The following MYO1H variants were observed in gnomAD, a reference collection of about 807,000 sequenced individuals.
MYO1H encodes the protein myosin IH, also known as unconventional myosin-Ih.
A neutral mutation model predicts 149.3 loss-of-function variants in MYO1H; 118 were observed. The observed-to-expected ratio is 0.79, with a 90% CI of 0.68 to 0.92. The LOEUF (loss-of-function observed/expected upper bound fraction) is 0.92. Ranked by LOEUF, MYO1H falls within the 40% of genes least tolerant of loss-of-function variation. The probability of loss-of-function intolerance (pLI) is 0.00; values close to 1 mark genes in which losing one functional copy is unlikely to be tolerated. For missense variants in MYO1H, 1,212 were observed against 1,280.7 expected (o/e 0.95, Z 0.82); for synonymous variants, 447 against 465.2 (o/e 0.96, Z 0.50).
chr12:109,323,732 G>A, the MYO1H span, among the ~76,000 whole-genome samples: 29 of 152,232 alleles, frequency 1.9e-4, no homozygotes, highest in Non-Finnish European at 3.4e-4. Flanking sequence ...ATGGAAAGCA[G>A]TAACGAGTCG....
chr12:109,419,803 C>T (rs893343930), intron 15 of MYO1H, among the ~76,000 whole-genome samples: 5 of 151,760 alleles, frequency 3.3e-5, no homozygotes, highest in African/African-American at 1.2e-4. Context: ...TCGAGCTATC[C>T]TCCCACCTCA....
chr12:109,396,148 C>T (rs575226802), intron 3 of MYO1H, among the ~76,000 whole-genome samples: 3 of 152,166 alleles, frequency 2.0e-5, no homozygotes, highest in African/African-American at 7.2e-5. Flanking sequence ...GTCTCGAACT[C>T]CTGACCTCAA....
At chr12:109,423,445 A>C (rs1183537243) in intron 16 of MYO1H, among the ~76,000 whole-genome samples, 1 of 152,238 alleles carries the variant, frequency 6.6e-6, no homozygotes, top group Non-Finnish European at 1.5e-5. Flanking sequence ...TACAGGCGTG[A>C]GCGACCACGC....
rs749216166 is a variant in MYO1H, at chr12:109,396,482, C to T, written c.389C>T (p.Ala130Val). 8.7e-6 allele frequency: 14 copies of T among 1,613,812 alleles called. No individual in the cohort carries two copies. In the Admixed American group the frequency reaches 1.8e-4, roughly 21 times the overall value. ...GAGAGTGGGGCAGGGAAAACAGAGG[C>T]CTCCAAGAAAATTCTCGAGTATTTT... The change falls in exon 4 of 32, where the codon GCC (alanine) becomes GTC (valine). Residue 130 changes from alanine to valine, a missense_variant. Ala to Val is a moderately conservative substitution (Grantham distance 64, BLOSUM62 0). Coordinates refer to ENST00000310903, the Ensembl canonical transcript of MYO1H.
chr12:109,373,574 C>A (rs1232512974), intron 1 of MYO1H, among the ~76,000 whole-genome samples: 1 of 151,960 alleles, frequency 6.6e-6, no homozygotes, highest in African/African-American at 2.4e-5. Flanking sequence ...TGGAATAAAT[C>A]CCATTTGGTC....
rs892695154 is a variant in MYO1H, at chr12:109,382,345, A to G, written c.13-6338A>G. On this transcript the variant is annotated intron_variant, in intron 1 of 31. Coordinates refer to ENST00000310903, the Ensembl canonical transcript of MYO1H. ...CAATTAACAAAACCTAGAATGTGAG[A>G]AATTCTACAAGACAGATTGTCCAAT... Among the ~76,000 whole-genome samples, 3 of 152,200 alleles carry G rather than the reference A, an allele frequency of 2.0e-5. No homozygotes were observed. In the East Asian group the frequency reaches 5.8e-4, roughly 29 times the overall value.
At chr12:109,335,094 C>T in the MYO1H span, among the ~76,000 whole-genome samples, 6 of 152,150 alleles carry the variant, frequency 3.9e-5, no homozygotes, top group Admixed American at 1.3e-4. Context: ...AGCGATACTT[C>T]GCTCCTTTTC....
At chr12:109,337,669 T>C in the MYO1H span, among the ~76,000 whole-genome samples, 2 of 152,184 alleles carry the variant, frequency 1.3e-5, no homozygotes, top group Admixed American at 1.3e-4. Context: ...ACAGGGTCCC[T>C]CCCATCACAC....
exon 17 of MYO1H, chr12:109,424,821 C>A: frequency 6.2e-7 from 1 of 1,613,592 alleles, no homozygotes; most frequent in Non-Finnish European, 8.5e-7. Context: ...CGGAGGAGGC[C>A]CCCAACAGTG....
chr12:109,402,797 A>G (rs959614279), intron 6 of MYO1H, among the ~76,000 whole-genome samples: 1 of 152,188 alleles, frequency 6.6e-6, no homozygotes, highest in South Asian at 2.1e-4. Context: ...TTGTATTCCC[A>G]TAGCATGACC....
At chr12:109,432,225 C>T (rs1199212628) in intron 19 of MYO1H, among the ~76,000 whole-genome samples, 2 of 151,940 alleles carry the variant, frequency 1.3e-5, no homozygotes, top group African/African-American at 2.4e-5. Context: ...AGGATGGTCT[C>T]GATCTCTTGA....
rs568143539 is a variant in MYO1H, at chr12:109,399,867, A to G, written c.571-1226A>G. Among the ~76,000 whole-genome samples the G allele has an allele frequency of 7.2e-5, 11 of 152,172 alleles. No individual in the cohort carries two copies. In the South Asian group the frequency reaches 1.5e-3, roughly 20 times the overall value. On this transcript the variant is annotated intron_variant, in intron 5 of 31. Transcript: ENST00000310903. ...GCATTTGAGGTTATAGTGAGCCATGATCAGGCCACAGCATTCCAGCCTGGG... is the reference window on the plus strand; with the variant it reads ...GCATTTGAGGTTATAGTGAGCCATGGTCAGGCCACAGCATTCCAGCCTGGG...
chr12:109,442,797 T>G lies in MYO1H; in HGVS notation c.2688+525T>G, dbSNP rs60151725. 9.5e-5 allele frequency among the ~76,000 whole-genome samples: 10 copies of G among 105,144 alleles called. 1 individual carries two copies. The highest frequency in any genetic ancestry group is 2.0e-4 in the African/African-American group (5 of 25,270). 69.0% of individuals were successfully genotyped at this position (105,144 alleles called of 152,430 possible). A position where few individuals can be genotyped will look rare whatever the true frequency, so the allele number is the denominator to read the frequency against. On this transcript the variant is annotated intron_variant, in intron 27 of 31. Coordinates refer to ENST00000310903, the Ensembl canonical transcript of MYO1H. ...GATCGTGTGTGCCAGTGTCTGCTCT[T>G]TTTTTTTTTTTTTTTTTTTTTGTTC...
chr12:109,329,575 G>GA, the MYO1H span, among the ~76,000 whole-genome samples: 1 of 152,174 alleles, frequency 6.6e-6, no homozygotes, highest in Admixed American at 6.5e-5. Flanking sequence ...TCTTATGCTA[G>GA]AAAATGATTC....
rs1313810852 is a variant in MYO1H at position 109,443,661 on chromosome 12, G to A, written c.2824+12G>A. ...CTCAGCTCTCAAAGGTAAGAAGTGGGCAATCTTTAAAACAATGCACTGAGT... is the reference window on the plus strand; with the variant it reads ...CTCAGCTCTCAAAGGTAAGAAGTGGACAATCTTTAAAACAATGCACTGAGT... On this transcript the variant is annotated intron_variant, in intron 28 of 31. Transcript: ENST00000310903. 3 of 1,613,278 alleles carry A rather than the reference G, an allele frequency of 1.9e-6. No homozygotes were observed. The highest frequency in any genetic ancestry group is 2.2e-5 in the East Asian group (1 of 44,838).
At chr12:109,348,050 T>A in intron 1 of MYO1H, 78 bp downstream of exon 1, 3 of 399,050 alleles carry the variant, frequency 7.5e-6, no homozygotes, top group Non-Finnish European at 1.3e-5. Context: ...ATGGCTATAA[T>A]GCTGGGCCTC....
At chr12:109,437,856 C>T (rs1043047229) in intron 22 of MYO1H, among the ~76,000 whole-genome samples, 14 of 151,934 alleles carry the variant, frequency 9.2e-5, no homozygotes, top group African/African-American at 3.1e-4. Context: ...GGGAGGCTGA[C>T]GTGGGCAGAT....
At chr12:109,322,893 G>A in the MYO1H span, among the ~76,000 whole-genome samples, 2 of 151,060 alleles carry the variant, frequency 1.3e-5, no homozygotes, top group South Asian at 4.2e-4. Context: ...CAGATCACGA[G>A]GTCAGGAGAT....
At chr12:109,356,077 A>T (rs10850070) in intron 1 of MYO1H, among the ~76,000 whole-genome samples, 56 of 152,008 alleles carry the variant, frequency 3.7e-4, no homozygotes, top group Admixed American at 3.1e-3. Context: ...TTTTAACCAA[A>T]TATTATTTAA....
Sources: allele counts gnomAD v4.1 joint callset (sites outside exome capture counted in the v4.1 genomes callset), GRCh38; gene constraint gnomAD v4.1.1; transcripts MANE v1.5; gene names NCBI Gene and HGNC (gene_info 2026-07-23, HGNC 2026-07-21).